Variants in VAPB observed in about 807,000 individuals in gnomAD.
VAPB encodes the protein vesicle-associated membrane protein-associated protein B/C.
VAPB carries 7 observed loss-of-function variants against 25.6 expected under a neutral mutation model. That is an observed-to-expected ratio of 0.27 (90% CI 0.16 to 0.51). The LOEUF (loss-of-function observed/expected upper bound fraction) is 0.51, where lower values mean the gene tolerates loss of function less well. VAPB is among the 20% of genes least tolerant of loss of function. The probability of loss-of-function intolerance (pLI) is 0.97; values close to 1 mark genes in which losing one functional copy is unlikely to be tolerated. For synonymous variants in VAPB, 112 were observed against 109.2 expected (o/e 1.03, Z -0.16); for missense variants, 266 against 301.3 (o/e 0.88, Z 0.87).
In VAPB at chr20:58,447,321, T is replaced by G. The variant is rs1355872793; in HGVS notation, c.*3086T>G. On this transcript the variant is annotated 3_prime_UTR_variant, in exon 6 of 6. Coordinates refer to ENST00000475243, the MANE Select transcript of VAPB (RefSeq NM_004738.5). ...GTGTGAGGAACTGGCTTTAACTTTT[T>G]TCTCCTCCTAGTTTGCATGTTTTCC... is the stretch of plus-strand genomic sequence containing the variant. 2.2e-6 allele frequency: 1 copy of G among 454,138 alleles called. No homozygotes were observed. The highest frequency in any genetic ancestry group is 4.4e-6 in the Non-Finnish European group (1 of 226,788). The allele number at this position is 454,138 out of a possible 1,614,324, so 28.1% of individuals were successfully genotyped here.
intron 1 of VAPB, among the ~76,000 whole-genome samples, chr20:58,393,818 C>T (rs905970755): frequency 1.3e-5 from 2 of 152,114 alleles, no homozygotes; most frequent in Non-Finnish European, 2.9e-5. Context: ...CCGCAACCTC[C>T]GCCTCCCGGG....
rs1222312361 is a variant in VAPB at position 58,445,007 on chromosome 20, GC to G, written c.*773del. ...TTGTCACAAGAGTACAGTTAATGCT[GC>G]GTGCTGCTGAACTCTGTTGGGTGAA... is the stretch of plus-strand genomic sequence containing the variant. On this transcript the variant is annotated 3_prime_UTR_variant, in exon 6 of 6. Transcript: ENST00000475243. 2.2e-6 allele frequency: 1 copy of G among 454,702 alleles called. No homozygotes were observed. The highest frequency in any genetic ancestry group is 4.4e-6 in the Non-Finnish European group (1 of 226,774). 28.2% of individuals were successfully genotyped at this position (454,702 alleles called of 1,614,324 possible).
At position 58,411,912 on chromosome 20, in the gene VAPB, G is replaced by A. The variant is rs547005725; in HGVS notation, c.59-6299G>A. Among the ~76,000 whole-genome samples the A allele has an allele frequency of 8.6e-5, 13 of 151,960 alleles. No individual in the cohort carries two copies. The South Asian group carries it at 1.0e-3, about 12-fold the overall frequency. On this transcript the variant is annotated intron_variant, in intron 1 of 5. Coordinates refer to ENST00000475243, the MANE Select transcript of VAPB (RefSeq NM_004738.5). The stretch of plus-strand genomic sequence containing the variant: ...GCCAGGATGGTCTCGATCTCCTGAC[G>A]TTGTGATCCACCCGCCACAGCCTCC...
rs773371581 is a variant in VAPB, at chr20:58,444,289, A to G, written c.*54A>G. ...ATTGGTGGATCCACCATATCATGGG[A>G]TTTAAATTTATCATAACCATGTGTA... On this transcript the variant is annotated 3_prime_UTR_variant, in exon 6 of 6. Transcript: ENST00000475243. 19 of 1,613,204 alleles carry G rather than the reference A, an allele frequency of 1.2e-5. No individual in the cohort carries two copies. Among genetic ancestry groups the G allele is most frequent in the Non-Finnish European group, 1.5e-5 (18 of 1,179,338 alleles).
At chr20:58,394,409 T>C (rs982257766) in intron 1 of VAPB, among the ~76,000 whole-genome samples, 1 of 152,268 alleles carries the variant, frequency 6.6e-6, no homozygotes, top group Non-Finnish European at 1.5e-5. Flanking sequence ...ATTAATTCTT[T>C]AGCTTTAGCA....
Position 58,445,905 on chromosome 20 carries a change from C to G in VAPB, c.*1670C>G, listed in dbSNP as rs1190100462. ...GTTCTGGGCACAGTCCCACTGTGCA[C>G]AGGTTTGAGAGGACAAGTTCATCAG... On this transcript the variant is annotated 3_prime_UTR_variant, in exon 6 of 6. Coordinates refer to ENST00000475243, the MANE Select transcript of VAPB (RefSeq NM_004738.5). 2.2e-6 allele frequency: 1 copy of G among 453,938 alleles called. No individual in the cohort carries two copies. The highest frequency in any genetic ancestry group is 6.9e-5 in the East Asian group (1 of 14,392). The allele number at this position is 453,938 out of a possible 1,614,324, so 28.1% of individuals were successfully genotyped here. A position where few individuals can be genotyped will look rare whatever the true frequency, so the allele number is the denominator to read the frequency against.
chr20:58,414,873 C>G (rs184738836), intron 1 of VAPB, among the ~76,000 whole-genome samples: 1 of 152,126 alleles, frequency 6.6e-6, no homozygotes, highest in Admixed American at 6.5e-5. Context: ...CCAAGGCAGG[C>G]GGCTGGGAGG....
chr20:58,424,175 C>A (rs1465909120), intron 2 of VAPB, among the ~76,000 whole-genome samples: 2 of 152,146 alleles, frequency 1.3e-5, no homozygotes, highest in African/African-American at 4.8e-5. Flanking sequence ...AAGTGATTTT[C>A]TTTTCACTCA....
At chr20:58,424,028 C>T (rs1988731319) in intron 2 of VAPB, among the ~76,000 whole-genome samples, 1 of 152,096 alleles carries the variant, frequency 6.6e-6, no homozygotes, top group Non-Finnish European at 1.5e-5. Context: ...GACTATGACA[C>T]AGTTTATTCT....
intron 1 of VAPB, among the ~76,000 whole-genome samples, chr20:58,406,638 G>A (rs538925204): frequency 1.3e-3 from 201 of 152,262 alleles, no homozygotes; most frequent in African/African-American, 4.6e-3. Flanking sequence ...GTTGATTTTC[G>A]TATGGAGGCT....
intron 2 of VAPB, among the ~76,000 whole-genome samples, chr20:58,423,854 A>G (rs1988728100): frequency 6.6e-6 from 1 of 152,256 alleles, no homozygotes; most frequent in South Asian, 2.1e-4. Flanking sequence ...TTCATACTTT[A>G]AAAGATGTCT....
intron 1 of VAPB, among the ~76,000 whole-genome samples, chr20:58,396,049 G>A (rs1282481703): frequency 6.6e-6 from 1 of 152,164 alleles, no homozygotes; most frequent in Non-Finnish European, 1.5e-5. Flanking sequence ...CCCCTTGCAT[G>A]GGGGTTTGGG....
At chr20:58,443,401 T>TTTG (rs1989203533) in intron 5 of VAPB, among the ~76,000 whole-genome samples, 2 of 148,372 alleles carry the variant, frequency 1.3e-5, no homozygotes, top group Non-Finnish European at 3.0e-5. Context: ...CTTTTAGGTT[T>TTTG]TTTTTTTTTT....
chr20:58,441,213 C>T (rs980516935), intron 5 of VAPB, 130 bp downstream of exon 5: 5 of 1,028,134 alleles, frequency 4.9e-6, no homozygotes, highest in Non-Finnish European at 7.3e-6. Flanking sequence ...TTTTTTTCTC[C>T]CCAGGGAGAA....
rs1476509025 is a variant in VAPB at position 58,447,310 on chromosome 20, CTT to C, written c.*3077_*3078del. 4.4e-6 allele frequency: 2 copies of C among 453,970 alleles called. No individual in the cohort carries two copies. The highest frequency in any genetic ancestry group is 8.8e-6 in the Non-Finnish European group (2 of 226,782). The allele number at this position is 453,970 out of a possible 1,614,324, so 28.1% of individuals were successfully genotyped here. On this transcript the variant is annotated 3_prime_UTR_variant, in exon 6 of 6. Transcript: ENST00000475243. ...TTTATTTGTAGGTGTGAGGAACTGG[CTT>C]TAACTTTTTTCTCCTCCTAGTTTGC...
Position 58,450,681 on chromosome 20 carries a change from CCA to C in VAPB, c.*6449_*6450del. 2 of 453,960 alleles carry C rather than the reference CCA, an allele frequency of 4.4e-6. No individual in the cohort carries two copies. The highest frequency in any genetic ancestry group is 8.8e-6 in the Non-Finnish European group (2 of 226,742). The allele number at this position is 453,960 out of a possible 1,614,324, so 28.1% of individuals were successfully genotyped here. A position where few individuals can be genotyped will look rare whatever the true frequency, so the allele number is the denominator to read the frequency against. The stretch of plus-strand genomic sequence containing the variant: ...TTCTCCCTATGTTGAAAAAAGATTC[CCA>C]CAGTTTCTGATGTGTGTGTTTATAG... On this transcript the variant is annotated 3_prime_UTR_variant, in exon 6 of 6. Transcript: ENST00000475243.
At chr20:58,436,992 C>T (rs1361822767) in intron 3 of VAPB, among the ~76,000 whole-genome samples, 43 of 77,418 alleles carry the variant, frequency 5.6e-4, no homozygotes, top group Middle Eastern at 0.014. Flanking sequence ...AAACTTTGAA[C>T]TTTTTTTTTT....
chr20:58,423,710 G>A (rs1568711989), intron 2 of VAPB, among the ~76,000 whole-genome samples: 2 of 152,138 alleles, frequency 1.3e-5, no homozygotes, highest in Non-Finnish European at 2.9e-5. Flanking sequence ...GCTGCATTTG[G>A]GGAGTTTGAG....
In VAPB at chr20:58,450,287, T is replaced by C; in HGVS notation, c.*6052T>C. 2.2e-6 allele frequency: 1 copy of C among 453,722 alleles called. No individual in the cohort carries two copies. The highest frequency in any genetic ancestry group is 1.6e-5 in the South Asian group (1 of 64,450). The allele number at this position is 453,722 out of a possible 1,614,324, so 28.1% of individuals were successfully genotyped here. A position where few individuals can be genotyped will look rare whatever the true frequency, so the allele number is the denominator to read the frequency against. On this transcript the variant is annotated 3_prime_UTR_variant, in exon 6 of 6. Transcript: ENST00000475243. ...TTTATTGTCTGTGATATTGAGACCA[T>C]GTGTACAAGAACTACTTTTTGCTTT...
Sources: allele counts gnomAD v4.1 joint callset (sites outside exome capture counted in the v4.1 genomes callset), GRCh38; gene constraint gnomAD v4.1.1; transcripts MANE v1.5; gene names NCBI Gene and HGNC (gene_info 2026-07-23, HGNC 2026-07-21).